THNSL1: variants seen among roughly 807,000 people sequenced by gnomAD.
THNSL1 encodes threonine synthase like 1.
Under a neutral mutation model 50.4 loss-of-function variants are expected in THNSL1, and 48 were observed. That is an observed-to-expected ratio of 0.95 (90% CI 0.76 to 1.21). THNSL1 has a LOEUF of 1.21. Among genes scored for constraint, THNSL1 ranks in the 50% most tolerant of loss-of-function variants. The pLI is 0.00. For missense variants in THNSL1, 896 were observed against 871.7 expected, an observed-to-expected ratio of 1.03 and a Z score of -0.35; for synonymous variants, 309 against 306.1, an observed-to-expected ratio of 1.01 and a Z score of -0.10.
rs761090845 is a variant in THNSL1 at position 25,024,683 on chromosome 10, A to G, written c.1460A>G (p.Tyr487Cys). The G allele has an allele frequency of 6.2e-7, 1 of 1,614,226 alleles. No homozygotes were observed. Among genetic ancestry groups the G allele is most frequent in the Non-Finnish European group, 8.5e-7 (1 of 1,180,034 alleles). Reference sequence around the variant, plus strand: ...CAGGTAGTTTATCATGCTTCCGCATATCTTGATCTTGTTAGTCAAGGATTT... The same window carrying G: ...CAGGTAGTTTATCATGCTTCCGCATGTCTTGATCTTGTTAGTCAAGGATTT... The part of the protein sequence containing the change: ...LPQVVYHASA[Y>C]LDLVSQGFIS... Residue 487 changes from tyrosine to cysteine, a missense_variant, in exon 3 of 3, where the codon TAT (tyrosine) becomes TGT (cysteine). Physicochemically the swap from Tyr to Cys is radical, Grantham distance 194. Transcript: ENST00000376356.
the THNSL1 span, among the ~76,000 whole-genome samples, chr10:25,007,311 G>A: frequency 6.6e-6 from 1 of 152,164 alleles, no homozygotes; most frequent in African/African-American, 2.4e-5. Context: ...CTGATTTTAA[G>A]GAGTATTGTT....
chr10:24,953,889 A>T, the THNSL1 span, among the ~76,000 whole-genome samples: 1 of 152,198 alleles, frequency 6.6e-6, no homozygotes, highest in Non-Finnish European at 1.5e-5. Flanking sequence ...CTGGCTCTTC[A>T]TGTCGTTTCT....
chr10:25,022,014 C>T (rs1293180892), intron 2 of THNSL1, 106 bp downstream of exon 2: 1 of 152,042 alleles, frequency 6.6e-6, no homozygotes, highest in Non-Finnish European at 1.5e-5. Flanking sequence ...GTTTTCAGAA[C>T]ATATTTTAAC....
the THNSL1 span, among the ~76,000 whole-genome samples, chr10:25,009,855 T>A: frequency 6.6e-6 from 1 of 152,168 alleles, no homozygotes; most frequent in Non-Finnish European, 1.5e-5. Context: ...CTCCTTCACC[T>A]TCTCCCATGA....
the THNSL1 span, among the ~76,000 whole-genome samples, chr10:25,009,811 CTCGTTTCCCACTA>C: frequency 6.6e-6 from 1 of 152,192 alleles, no homozygotes; most frequent in East Asian, 1.9e-4. Context: ...TGCACACACT[CTCGTTTCCCACTA>C]TGTAAGATGT....
upstream of THNSL1, among the ~76,000 whole-genome samples, chr10:25,014,340 G>A (rs1850516456): frequency 6.6e-6 from 1 of 152,108 alleles, no homozygotes. Context: ...ACATTTGGGT[G>A]CCTCTATTTC....
chr10:24,957,926 T>G, the THNSL1 span, among the ~76,000 whole-genome samples: 1 of 152,270 alleles, frequency 6.6e-6, no homozygotes, highest in Non-Finnish European at 1.5e-5. Flanking sequence ...AACACAAATA[T>G]TTATAATTCA....
chr10:24,988,085 G>A, the THNSL1 span, among the ~76,000 whole-genome samples: 3 of 151,642 alleles, frequency 2.0e-5, no homozygotes, highest in African/African-American at 4.9e-5. Context: ...TTAGGTGGGC[G>A]TGGTGGTGCA....
the THNSL1 span, among the ~76,000 whole-genome samples, chr10:24,996,454 G>GTATATATA: frequency 2.6e-3 from 382 of 149,472 alleles, 1 homozygote; most frequent in African/African-American, 8.2e-3. Context: ...GTGTGTGTGT[G>GTATATATA]TGTATATATA....
rs373760754 is a variant in THNSL1, at chr10:25,023,532, A to G, written c.309A>G (p.Leu103=). 1.7e-5 allele frequency: 27 copies of G among 1,614,044 alleles called. No individual in the cohort carries two copies. Among genetic ancestry groups the G allele is most frequent in the Non-Finnish European group, 1.6e-5 (19 of 1,180,016 alleles). ...GGAATATGAGTGTGTCTGAAAAATT[A>G]CAGGATGTTGGTAATGAGCAATTTT... ...KTWNMSVSEK[L]QDVGNEQFLE... The change falls in exon 3 of 3, where the codon TTA becomes TTG. Residue 103 remains leucine, a synonymous_variant. Transcript: ENST00000376356.
intron 1 of THNSL1, among the ~76,000 whole-genome samples, chr10:25,018,734 TAA>T (rs922547119): frequency 6.7e-6 from 1 of 148,730 alleles, no homozygotes; most frequent in African/African-American, 2.5e-5. Flanking sequence ...GATGAGTATA[TAA>T]GACAATTGGA....
chr10:25,000,226 T>G, the THNSL1 span, among the ~76,000 whole-genome samples: 2 of 152,196 alleles, frequency 1.3e-5, no homozygotes, highest in African/African-American at 4.8e-5. Flanking sequence ...TTCTGACATT[T>G]GTTTTATGGC....
the THNSL1 span, chr10:24,952,558 C>A: frequency 1.9e-6 from 3 of 1,592,320 alleles, no homozygotes; most frequent in Non-Finnish European, 2.6e-6. This position sits in a 1 kb window ranked among gnomAD's most constrained non-coding sequence, Gnocchi z 5.1. Flanking sequence ...CTGGCGCCTC[C>A]TCGCTGCTCC....
the THNSL1 span, among the ~76,000 whole-genome samples, chr10:24,994,266 T>A: frequency 1.3e-5 from 2 of 151,696 alleles, no homozygotes; most frequent in Admixed American, 1.3e-4. Flanking sequence ...TTTCCTTCCT[T>A]CCTTTCCTTT....
Position 25,023,197 on chromosome 10 carries a change from T to A in THNSL1, c.-27T>A. ...AAAGGGCTAAAGCCAATTTTTAGGT[T>A]GGCTTGGGCAGAAAAGTGAAAAGAG... On this transcript the variant is annotated 5_prime_UTR_variant, in exon 3 of 3. Transcript: ENST00000376356. The A allele has an allele frequency of 6.4e-7, 1 of 1,573,008 alleles. No homozygotes were observed. The highest frequency in any genetic ancestry group is 8.6e-7 in the Non-Finnish European group (1 of 1,162,300).
chr10:24,975,606 G>A, the THNSL1 span, among the ~76,000 whole-genome samples: 25 of 152,190 alleles, frequency 1.6e-4, no homozygotes, highest in African/African-American at 5.8e-4. Context: ...GAGATCTCAT[G>A]GTTTTATAAG....
At chr10:25,011,005 C>T in the THNSL1 span, among the ~76,000 whole-genome samples, 1 of 150,386 alleles carries the variant, frequency 6.6e-6, no homozygotes, top group Non-Finnish European at 1.5e-5. Flanking sequence ...TTCTAGATCC[C>T]TGAGGAATCG....
At chr10:24,984,063 GA>G in the THNSL1 span, 1 of 315,614 alleles carries the variant, frequency 3.2e-6, no homozygotes, top group Non-Finnish European at 5.7e-6. Flanking sequence ...TGGTATGCTA[GA>G]AAGGAGGCTA....
intron 1 of THNSL1, among the ~76,000 whole-genome samples, chr10:25,019,883 C>T (rs1339268129): frequency 2.0e-5 from 3 of 151,856 alleles, no homozygotes; most frequent in Non-Finnish European, 4.4e-5. Flanking sequence ...TCCATTTCTC[C>T]GTGAATTAAA....
Sources: allele counts gnomAD v4.1 joint callset (sites outside exome capture counted in the v4.1 genomes callset), GRCh38; gene constraint gnomAD v4.1.1; non-coding constraint Gnocchi (gnomAD v3.1); transcripts MANE v1.5; gene names NCBI Gene and HGNC (gene_info 2026-07-23, HGNC 2026-07-21).